RET: variants seen among roughly 807,000 people sequenced by gnomAD.
RET encodes ret proto-oncogene.
RET carries 19 observed loss-of-function variants against 118.3 expected under a neutral mutation model. The ratio of observed to expected loss-of-function variants is 0.16; its 90% confidence interval spans 0.11 to 0.24. The LOEUF (loss-of-function observed/expected upper bound fraction) is 0.24. RET is among the 10% of genes least tolerant of loss of function. The pLI, the probability that RET is intolerant of heterozygous loss-of-function variation, is 1.00. For missense variants in RET, 1,219 were observed against 1,502.1 expected (o/e 0.81, Z 3.12); for synonymous variants, 597 against 644.1 (o/e 0.93, Z 1.11).
chr10:43,112,676 C>T (rs1003732204), intron 8 of RET, among the ~76,000 whole-genome samples, 177 bp from the exon 9 acceptor site: 1 of 152,322 alleles, frequency 6.6e-6, no homozygotes, highest in South Asian at 2.1e-4. Flanking sequence ...CCCATACCTC[C>T]TCTCCCATAA....
In RET at chr10:43,106,311, C is replaced by T; in HGVS notation, c.868-65C>T. ...TGGGACGTGCAGCATTCTAAGGTCT[C>T]TGGTTTTGGGGGGTCTGAGGGGCCC... is the stretch of plus-strand genomic sequence containing the variant. On this transcript the variant is annotated intron_variant, in intron 4 of 19. Coordinates refer to ENST00000355710, the MANE Select transcript of RET (RefSeq NM_020975.6). This position sits in a 1 kb window ranked among gnomAD's most constrained non-coding sequence, Gnocchi z 5.1. 6.6e-7 allele frequency: 1 copy of T among 1,507,336 alleles called. No homozygotes were observed. Among genetic ancestry groups the T allele is most frequent in the Non-Finnish European group, 9.1e-7 (1 of 1,100,100 alleles). 93.4% of individuals were successfully genotyped at this position (1,507,336 alleles called of 1,614,324 possible).
chr10:43,115,864 C>A (rs926033442), intron 11 of RET, among the ~76,000 whole-genome samples: 5 of 152,254 alleles, frequency 3.3e-5, no homozygotes, highest in African/African-American at 9.6e-5. Context: ...AGTGTCGACA[C>A]TGACCTTGAC....
Position 43,077,099 on chromosome 10 carries a change from G to A in RET, c.-160G>A, listed in dbSNP as rs567112195. 61 of 1,072,412 alleles carry A rather than the reference G, an allele frequency of 5.7e-5. No homozygotes were observed. Among genetic ancestry groups the A allele is most frequent in the Non-Finnish European group, 6.7e-5 (56 of 833,748 alleles). 66.4% of individuals were successfully genotyped at this position (1,072,412 alleles called of 1,614,324 possible). The stretch of plus-strand genomic sequence containing the variant: ...CGCGACCGAAGCAGGGCGCGCAGCA[G>A]CGCTGAGTGCCCCGGAACGTGCGTC... On this transcript the variant is annotated 5_prime_UTR_variant, in exon 1 of 20. Transcript: ENST00000355710.
intron 1 of RET, among the ~76,000 whole-genome samples, chr10:43,099,976 C>T (rs900238194): frequency 6.6e-6 from 1 of 152,246 alleles, no homozygotes; most frequent in Non-Finnish European, 1.5e-5. Flanking sequence ...CCATTTCCAA[C>T]TATGGCATTT....
intron 1 of RET, among the ~76,000 whole-genome samples, chr10:43,087,355 T>A (rs1238654088): frequency 2.0e-5 from 3 of 152,132 alleles, no homozygotes; most frequent in Admixed American, 2.0e-4. Flanking sequence ...AAGAACCAAT[T>A]CTTAAGTCTG....
rs377767410 is a variant in RET at position 43,114,503 on chromosome 10, C to T, written c.1903C>T (p.Arg635Cys). 20 of 1,608,030 alleles carry T rather than the reference C, an allele frequency of 1.2e-5. No individual in the cohort carries two copies. The South Asian group carries it at 1.6e-4, about 13-fold the overall frequency. The change falls in exon 11 of 20, where the codon CGC becomes TGC. Residue 635 changes from arginine to cysteine, a missense_variant. Arg to Cys is a radical substitution (Grantham distance 180). Transcript: ENST00000355710. This position sits in a 1 kb window ranked among gnomAD's most constrained non-coding sequence, Gnocchi z 4.6. ...IQDPLCDELC[R>C]TVIAAAVLFS... Reference sequence around the variant, plus strand: ...AGATCCACTGTGCGACGAGCTGTGCCGCACGGTGATCGCAGCCGCTGTCCT... The same window carrying T: ...AGATCCACTGTGCGACGAGCTGTGCTGCACGGTGATCGCAGCCGCTGTCCT...
At chr10:43,083,948 C>G (rs765514712) in intron 1 of RET, among the ~76,000 whole-genome samples, 2 of 152,204 alleles carry the variant, frequency 1.3e-5, no homozygotes, top group Non-Finnish European at 2.9e-5. Context: ...TTCCTGTCCC[C>G]GGGCAACCCC....
intron 1 of RET, among the ~76,000 whole-genome samples, chr10:43,082,866 C>T (rs904505378): frequency 2.0e-5 from 3 of 152,200 alleles, no homozygotes; most frequent in African/African-American, 7.2e-5. Flanking sequence ...GCTGGAGGTG[C>T]AGCATGAGCT....
intron 3 of RET, 139 bp downstream of exon 3, chr10:43,102,768 C>A: frequency 9.4e-7 from 1 of 1,062,496 alleles, no homozygotes; most frequent in African/African-American, 1.6e-5. Flanking sequence ...GTACCTCTTG[C>A]ATGCCTGCCA....
intron 1 of RET, among the ~76,000 whole-genome samples, chr10:43,077,687 G>T (rs911223386): frequency 6.6e-6 from 1 of 152,200 alleles, no homozygotes; most frequent in Non-Finnish European, 1.5e-5. Context: ...TTTCGGGGCC[G>T]ACCTGGCGGA....
In RET at chr10:43,113,000, G is replaced by A. The variant is rs372580064; in HGVS notation, c.1759+37G>A. On this transcript the variant is annotated intron_variant, in intron 9 of 19. Coordinates refer to ENST00000355710, the MANE Select transcript of RET (RefSeq NM_020975.6). ...TTAATCAGGGCATGGGAACAGGTAG[G>A]AGATAGTAGGGGAAACCTGGATCCC... 4 of 1,557,250 alleles carry A rather than the reference G, an allele frequency of 2.6e-6. No individual in the cohort carries two copies. The Admixed American group carries it at 6.7e-5, about 26-fold the overall frequency.
At position 43,116,578 on chromosome 10, in the gene RET, A is replaced by T. The variant is rs2132902102; in HGVS notation, c.2137-6A>T. The T allele has an allele frequency of 6.2e-7, 1 of 1,602,958 alleles. No homozygotes were observed. Among genetic ancestry groups the T allele is most frequent in the South Asian group, 1.1e-5 (1 of 90,904 alleles). ...TCTTCTCCCCCTTCCCTCATTTCCA[A>T]CATAGGAGGATCCAAAGTGGGAATT... On this transcript the variant is annotated splice_polypyrimidine_tract_variant and splice_region_variant and intron_variant, in intron 11 of 19. Coordinates refer to ENST00000355710, the MANE Select transcript of RET (RefSeq NM_020975.6).
chr10:43,113,565 T>C lies in RET; in HGVS notation c.1769T>C (p.Ile590Thr), dbSNP rs1348219647. Residue 590 changes from isoleucine (I) to threonine (T), a missense_variant, in exon 10 of 20, where the codon ATT (isoleucine) becomes ACT (threonine). Ile to Thr is a moderately conservative substitution (Grantham distance 89). This residue lies in a region of RET where 850 missense variants were observed against 969.6 expected (regional missense o/e 0.88). Transcript: ENST00000355710. The part of the protein sequence containing the change: ...ICPQDCLRGS[I>T]VGGHEPGEPR... ...CTACGTCTGCCCTCAGGGGGCAGCA[T>C]TGTTGGGGGACACGAGCCTGGGGAG... 1.2e-5 allele frequency: 19 copies of C among 1,608,520 alleles called. No individual in the cohort carries two copies. Among genetic ancestry groups the C allele is most frequent in the East Asian group, 2.2e-5 (1 of 44,734 alleles).
At position 43,100,651 on chromosome 10, in the gene RET, A is replaced by G. The variant is rs1564489449; in HGVS notation, c.266A>G (p.Gln89Arg). The G allele has an allele frequency of 1.2e-6, 2 of 1,613,140 alleles. No homozygotes were observed. Among genetic ancestry groups the G allele is most frequent in the East Asian group, 2.2e-5 (1 of 44,862 alleles). The change falls in exon 2 of 20, where the codon CAG (glutamine) becomes CGG (arginine). Residue 89 changes from glutamine to arginine, a missense_variant. Gln to Arg is a conservative substitution (Grantham distance 43). This residue lies in a region of RET where 84 missense variants were observed against 163.6 expected (regional missense o/e 0.51). Transcript: ENST00000355710. The part of the protein sequence containing the change: ...RLHENNWICI[Q>R]EDTGLLYLNR... The stretch of plus-strand genomic sequence containing the variant: ...CATGAGAACAACTGGATCTGCATCC[A>G]GGAGGACACCGGCCTCCTCTACCTT...
In RET at chr10:43,114,758, G is replaced by T. The variant is rs1838033819; in HGVS notation, c.2136+22G>T. 3 of 1,595,478 alleles carry T rather than the reference G, an allele frequency of 1.9e-6. No individual in the cohort carries two copies. Among genetic ancestry groups the T allele is most frequent in the Non-Finnish European group, 1.7e-6 (2 of 1,174,050 alleles). On this transcript the variant is annotated intron_variant, in intron 11 of 19. Transcript: ENST00000355710. The surrounding 1 kb of genome is among the most constrained non-coding windows in gnomAD (Gnocchi z 4.6). ...CCTGGTGAGGGTCCCTGCGGGGCAG[G>T]GAAGATCCCCTGCCCTCCCCAGCTG... is the stretch of plus-strand genomic sequence containing the variant.
intron 11 of RET, among the ~76,000 whole-genome samples, chr10:43,116,344 A>G (rs576846443): frequency 6.6e-6 from 1 of 152,326 alleles, no homozygotes; most frequent in Non-Finnish European, 1.5e-5. Flanking sequence ...GAGAGGGTCG[A>G]AGTACTGAGT....
At chr10:43,099,482 G>T (rs924940746) in intron 1 of RET, among the ~76,000 whole-genome samples, 1 of 151,244 alleles carries the variant, frequency 6.6e-6, no homozygotes, top group Non-Finnish European at 1.5e-5. Flanking sequence ...TTGCATTCCA[G>T]CCTAGGCAAC....
intron 1 of RET, among the ~76,000 whole-genome samples, chr10:43,083,589 G>A (rs1306879703): frequency 6.6e-6 from 1 of 152,176 alleles, no homozygotes; most frequent in Admixed American, 6.5e-5. Flanking sequence ...CTGTCACATG[G>A]TCGTTCTCAC....
intron 11 of RET, 88 bp from the exon 12 acceptor site, chr10:43,116,496 G>A (rs2132899775): frequency 1.3e-6 from 2 of 1,494,646 alleles, no homozygotes; most frequent in South Asian, 1.1e-5. Flanking sequence ...TGTCCATGGG[G>A]CCTCCTTTAA....
Sources: gnomAD v4.1 joint callset for allele counts (sites outside exome capture counted in the v4.1 genomes callset) on GRCh38, gnomAD v4.1.1 for gene constraint, gnomAD v4.1.1 regional missense constraint, Gnocchi (gnomAD v3.1) non-coding constraint, MANE v1.5 for transcripts, NCBI Gene and HGNC (gene_info 2026-07-23, HGNC 2026-07-21) for gene names.